Variants in DENND4A observed in about 807,000 individuals in gnomAD.
The protein encoded by DENND4A is C-myc promoter-binding protein.
A neutral mutation model predicts 199.3 loss-of-function variants in DENND4A; 70 were observed. That is an observed-to-expected ratio of 0.35 (90% CI 0.29 to 0.43). DENND4A has a LOEUF of 0.43. Among genes scored for constraint, DENND4A ranks in the 20% least tolerant of loss-of-function variants. DENND4A has a pLI of 1.00. For missense variants in DENND4A, 1,723 were observed against 2,255.8 expected (o/e 0.76, Z 4.78); for synonymous variants, 686 against 766.9 (o/e 0.89, Z 1.74).
chr15:65,664,221 T>TA, intron 32 of DENND4A, 109 bp downstream of exon 32: 1 of 667,802 alleles, frequency 1.5e-6, no homozygotes, highest in African/African-American at 1.9e-5. Flanking sequence ...TACCTTTATA[T>TA]AATTACAGAT....
In DENND4A at chr15:65,667,804, A is replaced by C. The variant is rs2076090227; in HGVS notation, c.4987-101T>G. On this transcript the variant is annotated intron_variant, in intron 28 of 32. Transcript: ENST00000443035. ...ATGAGTAGAAAAGTAATATAATTGT[A>C]TCATGGGATAAGAGACTCTTCTTGG... is the stretch of plus-strand genomic sequence containing the variant. 17 of 1,486,568 alleles carry C rather than the reference A, an allele frequency of 1.1e-5. No homozygotes were observed. In the South Asian group the frequency reaches 2.1e-4, roughly 19 times the overall value. 92.1% of individuals were successfully genotyped at this position (1,486,568 alleles called of 1,614,324 possible).
At chr15:65,732,974 T>A (rs992191917) in intron 7 of DENND4A, among the ~76,000 whole-genome samples, 156 bp from the exon 8 acceptor site, 1 of 152,306 alleles carries the variant, frequency 6.6e-6, no homozygotes, top group Admixed American at 6.5e-5. Context: ...CCAAAAATCA[T>A]TCATCCCATT....
rs778752939 is a variant in DENND4A, at chr15:65,727,844, T to C, written c.1487+1228A>G. On this transcript the variant is annotated intron_variant, in intron 11 of 32. Transcript: ENST00000443035. Reference sequence around the variant, plus strand: ...CAGAATTATAAAAAGGCTTTAAAAATAGTTCCGATAGCTATAACTTACATA... The same window carrying C: ...CAGAATTATAAAAAGGCTTTAAAAACAGTTCCGATAGCTATAACTTACATA... The C allele has an allele frequency of 1.0e-3, 407 of 400,336 alleles. 4 individuals are homozygous for C. Among genetic ancestry groups the C allele is most frequent in the Non-Finnish European group, 1.3e-3 (262 of 207,938 alleles). The allele number at this position is 400,336 out of a possible 1,614,324, so 24.8% of individuals were successfully genotyped here.
At chr15:65,723,037 G>T in intron 11 of DENND4A, 89 bp from the exon 12 acceptor site, 1 of 945,820 alleles carries the variant, frequency 1.1e-6, no homozygotes, top group Non-Finnish European at 1.5e-6. Flanking sequence ...AACGGGAAAA[G>T]ATTAAACACC....
chr15:65,772,777 A>G, intron 1 of DENND4A, among the ~76,000 whole-genome samples: 1 of 150,680 alleles, frequency 6.6e-6, no homozygotes, highest in East Asian at 2.0e-4. Flanking sequence ...CCAAGCACAC[A>G]GATTGGTCAA....
chr15:65,770,258 C>A (rs1382839076), intron 1 of DENND4A, among the ~76,000 whole-genome samples: 1 of 152,064 alleles, frequency 6.6e-6, no homozygotes, highest in East Asian at 1.9e-4. Flanking sequence ...TTCTTTGGAT[C>A]CTGCTTAAAT....
chr15:65,741,405 TAAAG>T (rs962987925), intron 5 of DENND4A, among the ~76,000 whole-genome samples: 2 of 152,230 alleles, frequency 1.3e-5, no homozygotes, highest in African/African-American at 2.4e-5. Flanking sequence ...ATTTAAGTAT[TAAAG>T]AAATATTAAT....
At chr15:65,751,217 G>A (rs1255159429) in intron 4 of DENND4A, among the ~76,000 whole-genome samples, 6 of 152,116 alleles carry the variant, frequency 3.9e-5, no homozygotes, top group African/African-American at 1.2e-4. Flanking sequence ...GGCCATGTTC[G>A]AGATACATTT....
chr15:65,671,509 C>A (rs1313497801), intron 25 of DENND4A, among the ~76,000 whole-genome samples: 2 of 152,184 alleles, frequency 1.3e-5, no homozygotes, highest in African/African-American at 2.4e-5. Flanking sequence ...CCTGCCTCAG[C>A]CTCCCTAGTG....
At chr15:65,671,424 CTG>C (rs1408258255) in intron 25 of DENND4A, among the ~76,000 whole-genome samples, 1 of 152,206 alleles carries the variant, frequency 6.6e-6, no homozygotes, top group South Asian at 2.1e-4. Context: ...GAGTCTTGCT[CTG>C]TCGCCCAGGC....
intron 1 of DENND4A, among the ~76,000 whole-genome samples, chr15:65,775,240 G>A (rs1596678339): frequency 6.6e-6 from 1 of 152,020 alleles, no homozygotes; most frequent in East Asian, 1.9e-4. Context: ...CAGCTACTCA[G>A]GAGGCTGAGG....
intron 4 of DENND4A, among the ~76,000 whole-genome samples, chr15:65,745,130 T>G (rs1849778185): frequency 6.6e-6 from 1 of 152,180 alleles, no homozygotes; most frequent in African/African-American, 2.4e-5. Flanking sequence ...GATCATTTAA[T>G]AATATTTTAT....
At chr15:65,785,007 G>A (rs1167473102) in intron 1 of DENND4A, among the ~76,000 whole-genome samples, 1 of 152,000 alleles carries the variant, frequency 6.6e-6, no homozygotes, top group Non-Finnish European at 1.5e-5. Flanking sequence ...AAATTAGCAA[G>A]GCATGGTGGT....
rs562062832 is a variant in DENND4A, at chr15:65,674,801, TCTTA to T, written c.4369+1640_4369+1643del. 2.3e-3 allele frequency among the ~76,000 whole-genome samples: 355 copies of T among 152,160 alleles called. 1 individual carries two copies. Among genetic ancestry groups the T allele is most frequent in the African/African-American group, 8.1e-3 (338 of 41,532 alleles). The stretch of plus-strand genomic sequence containing the variant: ...GTTTAAAATAGATAACATAAAAGTC[TCTTA>T]CTTTAGAGATACATATTGAAGTTTA... On this transcript the variant is annotated intron_variant, in intron 24 of 32. Coordinates refer to ENST00000443035, the MANE Select transcript of DENND4A (RefSeq NM_001320835.1).
In DENND4A at chr15:65,700,652, C is replaced by T; in HGVS notation, c.2725G>A (p.Val909Ile). The change falls in exon 20 of 33, where the codon GTT becomes ATT. Residue 909 changes from valine to isoleucine, a missense_variant. This residue lies in a region of DENND4A where 650 missense variants were observed against 738.1 expected (regional missense o/e 0.88). Coordinates refer to ENST00000443035, the MANE Select transcript of DENND4A (RefSeq NM_001320835.1). Reference sequence around the variant, plus strand: ...CCACTATCCATGCTGCCATGACTAACAGCATCCAGGTCACTGCCATCTGCT... The same window carrying T: ...CCACTATCCATGCTGCCATGACTAATAGCATCCAGGTCACTGCCATCTGCT... ...LSADGSDLDA[V>I]SHGSMDSGHG... The T allele has an allele frequency of 6.5e-7, 1 of 1,543,918 alleles. No individual in the cohort carries two copies. Among genetic ancestry groups the T allele is most frequent in the Admixed American group, 2.0e-5 (1 of 48,866 alleles).
intron 4 of DENND4A, among the ~76,000 whole-genome samples, chr15:65,749,593 GC>G (rs1437473861): frequency 6.6e-6 from 1 of 151,576 alleles, no homozygotes; most frequent in African/African-American, 2.4e-5. Context: ...ATAATATTTA[GC>G]CATTCAATAA....
chr15:65,666,032 C>T (rs1174489250), intron 29 of DENND4A, among the ~76,000 whole-genome samples: 1 of 152,078 alleles, frequency 6.6e-6, no homozygotes, highest in Non-Finnish European at 1.5e-5. Flanking sequence ...AACAAAAATC[C>T]AGGGTAAAGG....
chr15:65,775,022 T>C (rs1181687730), intron 1 of DENND4A, among the ~76,000 whole-genome samples: 5 of 151,968 alleles, frequency 3.3e-5, no homozygotes, highest in Non-Finnish European at 7.4e-5. Flanking sequence ...ACAGCCCATA[T>C]GTTTACTTTA....
intron 11 of DENND4A, among the ~76,000 whole-genome samples, chr15:65,725,707 GA>G (rs1473904641): frequency 6.6e-6 from 1 of 151,654 alleles, no homozygotes; most frequent in Non-Finnish European, 1.5e-5. Context: ...ATAAAAAAAA[GA>G]ACCACCTCAC....
Sources: gnomAD v4.1 joint callset for allele counts (sites outside exome capture counted in the v4.1 genomes callset) on GRCh38, gnomAD v4.1.1 for gene constraint, gnomAD v4.1.1 regional missense constraint, MANE v1.5 for transcripts, NCBI Gene and HGNC (gene_info 2026-07-23, HGNC 2026-07-21) for gene names.